ZFYVE16: variants seen among roughly 807,000 people sequenced by gnomAD.
The protein encoded by ZFYVE16 is zinc finger FYVE domain-containing protein 16.
A neutral mutation model predicts 138.1 loss-of-function variants in ZFYVE16; 89 were observed. That is an observed-to-expected ratio of 0.64 (90% CI 0.54 to 0.77). ZFYVE16 has a LOEUF of 0.77. Among genes scored for constraint, ZFYVE16 ranks in the 30% least tolerant of loss-of-function variants. The probability of loss-of-function intolerance (pLI) is 0.00; values close to 1 mark genes in which losing one functional copy is unlikely to be tolerated. For synonymous variants in ZFYVE16, 596 were observed against 618.3 expected, an observed-to-expected ratio of 0.96 and a Z score of 0.53; for missense variants, 1,793 against 1,786.7, an observed-to-expected ratio of 1.00 and a Z score of -0.06.
intron 16 of ZFYVE16, among the ~76,000 whole-genome samples, chr5:80,473,137 T>A (rs1351915221): frequency 6.6e-6 from 1 of 152,142 alleles, no homozygotes; most frequent in African/African-American, 2.4e-5. Flanking sequence ...GATGGTCCAT[T>A]TGAGAGGGGC....
At position 80,460,866 on chromosome 5, in the gene ZFYVE16, AAT is replaced by A. The variant is rs1753028037; in HGVS notation, c.4024+1375_4024+1376del. ...AGCATGTATAAAAGCAAAAAAGGAT[AAT>A]ATGATAAACATTAATGAAATCATCA... On this transcript the variant is annotated intron_variant, in intron 15 of 18. Transcript: ENST00000505560. Among the ~76,000 whole-genome samples the A allele has an allele frequency of 2.0e-5, 3 of 152,336 alleles. No homozygotes were observed. The South Asian group carries it at 6.2e-4, about 32-fold the overall frequency.
intron 1 of ZFYVE16, among the ~76,000 whole-genome samples, chr5:80,416,180 C>G (rs141193802): frequency 6.7e-6 from 1 of 148,778 alleles, no homozygotes; most frequent in Non-Finnish European, 1.5e-5. Context: ...TATTTTTTTG[C>G]GTGGGAGATT....
chr5:80,472,250 G>A (rs1754456493), intron 15 of ZFYVE16, among the ~76,000 whole-genome samples: 2 of 151,640 alleles, frequency 1.3e-5, no homozygotes, highest in South Asian at 4.2e-4. Flanking sequence ...AGCCAATAGG[G>A]CCATTGTAGA....
chr5:80,436,346 A>G (rs1749902831), intron 3 of ZFYVE16, among the ~76,000 whole-genome samples: 1 of 152,220 alleles, frequency 6.6e-6, no homozygotes, highest in African/African-American at 2.4e-5. Context: ...TCCCAAACAA[A>G]GCAAAGATCA....
At position 80,480,406 on chromosome 5, in the gene ZFYVE16, A is replaced by G. The variant is rs1269038108; in HGVS notation, c.*3029A>G. ...GAAGATAACTCAGGAGAAACTATTC[A>G]CAGTGCACCATGGGAGAAACAGCTG... On this transcript the variant is annotated 3_prime_UTR_variant, in exon 19 of 19. Coordinates refer to ENST00000505560, the MANE Select transcript of ZFYVE16 (RefSeq NM_001284236.3). 6.9e-6 allele frequency among the ~76,000 whole-genome samples: 1 copy of G among 145,818 alleles called. No homozygotes were observed. The highest frequency in any genetic ancestry group is 2.5e-5 in the African/African-American group (1 of 40,582).
chr5:80,481,265 T>C lies in ZFYVE16; in HGVS notation c.*3888T>C, dbSNP rs1293356075. 3.3e-5 allele frequency among the ~76,000 whole-genome samples: 5 copies of C among 152,176 alleles called. No individual in the cohort carries two copies. The highest frequency in any genetic ancestry group is 1.3e-4 in the Admixed American group (2 of 15,280). ...GCAATGGGGAGGCTAACGCCCTGAC[T>C]TTCTAGCCAAAAACCAAGAATGGGG... On this transcript the variant is annotated 3_prime_UTR_variant, in exon 19 of 19. Coordinates refer to ENST00000505560, the MANE Select transcript of ZFYVE16 (RefSeq NM_001284236.3).
chr5:80,420,543 G>C (rs993439641), intron 1 of ZFYVE16, among the ~76,000 whole-genome samples: 15 of 152,136 alleles, frequency 9.9e-5, no homozygotes, highest in Non-Finnish European at 1.8e-4. Flanking sequence ...AGAACATGCA[G>C]TGTTTGGTTT....
chr5:80,481,100 C>A lies in ZFYVE16; in HGVS notation c.*3723C>A, dbSNP rs1045384656. On this transcript the variant is annotated 3_prime_UTR_variant, in exon 19 of 19. Transcript: ENST00000505560. ...AGGAAAGATGCAGTAAGACCCACCG[C>A]CCCACCAGGAGAACCATGGGTAATG... is the stretch of plus-strand genomic sequence containing the variant. 6.6e-6 allele frequency among the ~76,000 whole-genome samples: 1 copy of A among 152,052 alleles called. No individual in the cohort carries two copies. The highest frequency in any genetic ancestry group is 2.4e-5 in the African/African-American group (1 of 41,396).
At chr5:80,471,530 G>C (rs544702711) in intron 15 of ZFYVE16, among the ~76,000 whole-genome samples, 41 of 152,150 alleles carry the variant, frequency 2.7e-4, no homozygotes, top group African/African-American at 9.2e-4. Context: ...AGCTACCCCT[G>C]CCCTCACTAA....
intron 10 of ZFYVE16, among the ~76,000 whole-genome samples, chr5:80,451,201 G>GT (rs1751957188): frequency 1.3e-5 from 2 of 152,076 alleles, no homozygotes; most frequent in East Asian, 3.9e-4. Flanking sequence ...TGACCATGCC[G>GT]TAAGGAGAAA....
intron 18 of ZFYVE16, among the ~76,000 whole-genome samples, chr5:80,475,909 T>C (rs954470430): frequency 6.6e-6 from 1 of 152,156 alleles, no homozygotes; most frequent in Non-Finnish European, 1.5e-5. Flanking sequence ...TATGTCAATT[T>C]ATATTTATTT....
At chr5:80,409,257 C>T (rs1333587080) in intron 1 of ZFYVE16, among the ~76,000 whole-genome samples, 1 of 152,128 alleles carries the variant, frequency 6.6e-6, no homozygotes, top group Non-Finnish European at 1.5e-5. Context: ...ATAAAAATGA[C>T]TTCTTGATTA....
intron 1 of ZFYVE16, among the ~76,000 whole-genome samples, chr5:80,422,149 A>G (rs1747301125): frequency 1.3e-5 from 2 of 152,120 alleles, no homozygotes; most frequent in Admixed American, 6.5e-5. Context: ...TTAATTTTGT[A>G]TCCTGAGACT....
chr5:80,438,068 A>G lies in ZFYVE16; in HGVS notation c.1383A>G (p.Thr461=), dbSNP rs753288213. The G allele has an allele frequency of 6.2e-7, 1 of 1,614,140 alleles. No individual in the cohort carries two copies. ...ACAGAAAGATAGATCCTGACCAGACAGTAATCAGAGCTGAGTCTTTGGATG... is the reference window on the plus strand; with the variant it reads ...ACAGAAAGATAGATCCTGACCAGACGGTAATCAGAGCTGAGTCTTTGGATG... The part of the protein sequence containing the change: ...MEDRKIDPDQ[T]VIRAESLDGG... Residue 461 remains threonine (T), a synonymous_variant, in exon 4 of 19, where the codon ACA becomes ACG. Coordinates refer to ENST00000505560, the MANE Select transcript of ZFYVE16 (RefSeq NM_001284236.3).
intron 14 of ZFYVE16, among the ~76,000 whole-genome samples, 196 bp downstream of exon 14, chr5:80,457,288 T>A (rs1171469818): frequency 1.3e-5 from 2 of 152,256 alleles, no homozygotes; most frequent in Non-Finnish European, 2.9e-5. Flanking sequence ...ACTTTAGGCT[T>A]ACAGACTTGG....
At chr5:80,422,548 G>A (rs1267678776) in intron 1 of ZFYVE16, among the ~76,000 whole-genome samples, 1 of 151,972 alleles carries the variant, frequency 6.6e-6, no homozygotes, top group South Asian at 2.1e-4. Context: ...TCCGCCTCCC[G>A]GATTCAAGTG....
intron 15 of ZFYVE16, among the ~76,000 whole-genome samples, chr5:80,469,081 C>G (rs897506028): frequency 2.0e-5 from 3 of 147,890 alleles, no homozygotes; most frequent in African/African-American, 7.4e-5. Flanking sequence ...CTTCTTATTT[C>G]TTTTCTTTCT....
At chr5:80,441,786 G>A in intron 5 of ZFYVE16, 1 of 985,434 alleles carries the variant, frequency 1.0e-6, no homozygotes, top group Non-Finnish European at 1.2e-6. Context: ...CATTTTATGA[G>A]TGCCATCATT....
intron 15 of ZFYVE16, among the ~76,000 whole-genome samples, chr5:80,470,580 T>G (rs1225100239): frequency 2.0e-5 from 3 of 152,164 alleles, no homozygotes; most frequent in Non-Finnish European, 1.5e-5. Context: ...GGTACAGTCA[T>G]AGCTCACTGC....
Sources: allele counts gnomAD v4.1 joint callset (sites outside exome capture counted in the v4.1 genomes callset), GRCh38; gene constraint gnomAD v4.1.1; transcripts MANE v1.5; gene names NCBI Gene and HGNC (gene_info 2026-07-23, HGNC 2026-07-21).